SMYD3: variants seen among roughly 807,000 people sequenced by gnomAD.
The protein encoded by SMYD3 is SET and MYND domain containing 3.
In SMYD3, 36 loss-of-function variants were observed where a neutral mutation model predicts 57.7. The ratio of observed to expected loss-of-function variants is 0.62; its 90% CI spans 0.48 to 0.82. SMYD3 has a LOEUF of 0.82. Among genes scored for constraint, SMYD3 ranks in the 40% least tolerant of loss-of-function variants. The pLI is 0.00. For missense variants in SMYD3, 515 were observed against 538.8 expected, an observed-to-expected ratio of 0.96 and a Z score of 0.44; for synonymous variants, 211 against 195.0, an observed-to-expected ratio of 1.08 and a Z score of -0.68.
At chr1:246,084,692 T>C (rs566050796) in intron 5 of SMYD3, among the ~76,000 whole-genome samples, 2 of 152,230 alleles carry the variant, frequency 1.3e-5, no homozygotes, top group Non-Finnish European at 2.9e-5. Flanking sequence ...CTGAAAAATA[T>C]ATTTTGATAT....
intron 5 of SMYD3, among the ~76,000 whole-genome samples, chr1:246,059,897 A>G (rs1483226865): frequency 6.6e-6 from 1 of 152,196 alleles, no homozygotes; most frequent in Non-Finnish European, 1.5e-5. Context: ...GAAAGTTAAA[A>G]TAGAGAAGAC....
Position 246,172,813 on chromosome 1 carries a change from A to C in SMYD3, c.531+154388T>G, listed in dbSNP as rs554104740. On this transcript the variant is annotated intron_variant, in intron 5 of 11. Transcript: ENST00000490107. ...TCAACACTGTACACTTAGGCTACAC[A>C]GGCCTAGAACACTCACTGTACTCTA... Among the ~76,000 whole-genome samples the C allele has an allele frequency of 1.5e-3, 221 of 149,234 alleles. 3 individuals carry two copies. The highest frequency in any genetic ancestry group is 4.9e-3 in the African/African-American group (197 of 40,216).
At chr1:245,982,582 T>C (rs1223354619) in intron 5 of SMYD3, among the ~76,000 whole-genome samples, 1 of 152,198 alleles carries the variant, frequency 6.6e-6, no homozygotes, top group Non-Finnish European at 1.5e-5. Context: ...AAGTAACATT[T>C]TCTAATTCAG....
intron 5 of SMYD3, among the ~76,000 whole-genome samples, chr1:246,263,491 T>C (rs142583344): frequency 4.1e-4 from 63 of 152,312 alleles, no homozygotes; most frequent in African/African-American, 1.4e-3. Context: ...CTTTTTACTG[T>C]CTAACCTTTA....
chr1:245,896,591 C>A (rs920649599), intron 8 of SMYD3, among the ~76,000 whole-genome samples: 9 of 152,046 alleles, frequency 5.9e-5, no homozygotes, highest in Admixed American at 5.9e-4. Context: ...AAGCTTAAAG[C>A]CAGAGAATGG....
chr1:246,115,572 A>G (rs570783670), intron 5 of SMYD3, among the ~76,000 whole-genome samples: 1 of 152,370 alleles, frequency 6.6e-6, no homozygotes. Flanking sequence ...GCATTCAGTC[A>G]AAAGTCGCAG....
At chr1:246,043,451 A>T (rs2059911822) in intron 5 of SMYD3, among the ~76,000 whole-genome samples, 1 of 152,268 alleles carries the variant, frequency 6.6e-6, no homozygotes, top group Non-Finnish European at 1.5e-5. Context: ...CTTGAGATAG[A>T]ACCAACACAA....
chr1:246,168,033 T>C lies in SMYD3; in HGVS notation c.531+159168A>G, dbSNP rs533205840. On this transcript the variant is annotated intron_variant, in intron 5 of 11. Transcript: ENST00000490107. Reference sequence around the variant, plus strand: ...ACAGACAAAACGCAAAACAGTGCGGTGGTTAGGAAGCTGTGCTATGAAACC... The same window carrying C: ...ACAGACAAAACGCAAAACAGTGCGGCGGTTAGGAAGCTGTGCTATGAAACC... 1.5e-4 allele frequency among the ~76,000 whole-genome samples: 23 copies of C among 152,292 alleles called. 1 individual carries two copies. The South Asian group carries it at 4.3e-3, about 29-fold the overall frequency.
At chr1:246,316,987 C>T (rs947733861) in intron 5 of SMYD3, among the ~76,000 whole-genome samples, 2 of 149,632 alleles carry the variant, frequency 1.3e-5, no homozygotes, top group African/African-American at 4.9e-5. Context: ...AAGTGAGACT[C>T]CTACTCAAAA....
Position 246,327,280 on chromosome 1 carries a change from A to C in SMYD3, c.452T>G (p.Phe151Cys), listed in dbSNP as rs1352877929. 6.2e-7 allele frequency: 1 copy of C among 1,614,102 alleles called. No individual in the cohort carries two copies. Among genetic ancestry groups the C allele is most frequent in the East Asian group, 2.2e-5 (1 of 44,878 alleles). The change falls in exon 5 of 12, where the codon TTT (phenylalanine) becomes TGT (cysteine). Residue 151 changes from phenylalanine to cysteine, a missense_variant. Transcript: ENST00000490107. ...TATTTCTTCTCTCATGAAATGTTGA[A>C]ATGTCATTACGAGTTGCCTGAGGCC... Reference protein sequence around the residue: ...KEGLRQLVMTFQHFMREEIQD... With the variant: ...KEGLRQLVMTCQHFMREEIQD...
At chr1:246,210,893 G>A (rs952032518) in intron 5 of SMYD3, among the ~76,000 whole-genome samples, 6 of 152,048 alleles carry the variant, frequency 3.9e-5, no homozygotes, top group Admixed American at 3.9e-4. Flanking sequence ...TTCTGATTTC[G>A]CAGAAACATG....
intron 5 of SMYD3, among the ~76,000 whole-genome samples, chr1:246,179,789 A>G (rs2062503634): frequency 6.6e-6 from 1 of 152,132 alleles, no homozygotes; most frequent in South Asian, 2.1e-4. Context: ...CAGGCTTTCT[A>G]TGTGTTGATA....
intron 7 of SMYD3, among the ~76,000 whole-genome samples, chr1:245,922,803 G>C (rs997527362): frequency 1.2e-4 from 19 of 152,136 alleles, no homozygotes; most frequent in Admixed American, 2.0e-4. Context: ...AGTAAGTGTA[G>C]CACTGAACAA....
intron 5 of SMYD3, among the ~76,000 whole-genome samples, chr1:246,250,942 TG>T (rs1226722928): frequency 6.6e-6 from 1 of 152,208 alleles, no homozygotes; most frequent in Non-Finnish European, 1.5e-5. Flanking sequence ...TTTGGCAATT[TG>T]TTTCAGATGC....
chr1:246,229,906 A>T (rs2063386120), intron 5 of SMYD3, among the ~76,000 whole-genome samples: 1 of 152,238 alleles, frequency 6.6e-6, no homozygotes, highest in South Asian at 2.1e-4. Flanking sequence ...TACTAGAAGT[A>T]TTTTAATGTG....
At chr1:245,814,899 C>A (rs1212680078) in intron 10 of SMYD3, among the ~76,000 whole-genome samples, 1 of 151,936 alleles carries the variant, frequency 6.6e-6, no homozygotes, top group African/African-American at 2.4e-5. Context: ...TGCACACACA[C>A]ACACTCTATC....
chr1:246,167,242 T>C (rs2062231728), intron 5 of SMYD3, among the ~76,000 whole-genome samples: 1 of 152,204 alleles, frequency 6.6e-6, no homozygotes, highest in South Asian at 2.1e-4. Flanking sequence ...TAATACTATT[T>C]ATAATATATG....
chr1:245,784,760 T>C (rs571087662), intron 10 of SMYD3, among the ~76,000 whole-genome samples: 5 of 152,098 alleles, frequency 3.3e-5, no homozygotes, highest in Admixed American at 3.3e-4. Context: ...GGAAGTCGCA[T>C]TGATTCACTT....
chr1:246,159,275 C>A (rs1451566717), intron 5 of SMYD3, among the ~76,000 whole-genome samples: 1 of 152,148 alleles, frequency 6.6e-6, no homozygotes, highest in Non-Finnish European at 1.5e-5. Flanking sequence ...ATTAGGGAGC[C>A]AAGCTCCTTA....
Sources: allele counts gnomAD v4.1 joint callset (sites outside exome capture counted in the v4.1 genomes callset), GRCh38; gene constraint gnomAD v4.1.1; transcripts MANE v1.5; gene names NCBI Gene and HGNC (gene_info 2026-07-23, HGNC 2026-07-21).